RABGAP1L: variants seen among roughly 807,000 people sequenced by gnomAD.
RABGAP1L encodes RAB GTPase activating protein 1 like.
In RABGAP1L, 63 loss-of-function variants were observed where a neutral mutation model predicts 137.7. The observed-to-expected ratio is 0.46, with a 90% confidence interval of 0.37 to 0.56. RABGAP1L has a LOEUF of 0.56. RABGAP1L is among the 20% of genes least tolerant of loss of function. The pLI is 0.00. For synonymous variants in RABGAP1L, 431 were observed against 433.7 expected (o/e 0.99, Z 0.08); for missense variants, 1,095 against 1,244.0 (o/e 0.88, Z 1.80).
chr1:174,933,119 T>TTATAC (rs1558249257), intron 19 of RABGAP1L, among the ~76,000 whole-genome samples: 2 of 151,744 alleles, frequency 1.3e-5, no homozygotes, highest in Non-Finnish European at 1.5e-5. Context: ...TACATACATT[T>TTATAC]ATACATACAT....
At chr1:174,585,957 A>T (rs1365919239) in intron 13 of RABGAP1L, among the ~76,000 whole-genome samples, 1 of 152,226 alleles carries the variant, frequency 6.6e-6, no homozygotes, top group Non-Finnish European at 1.5e-5. Flanking sequence ...ATTGTGGAAG[A>T]CAGTGTGGTG....
intron 1 of RABGAP1L, among the ~76,000 whole-genome samples, chr1:174,200,332 TA>T (rs1432398772): frequency 6.6e-6 from 1 of 152,232 alleles, no homozygotes; most frequent in Non-Finnish European, 1.5e-5. Flanking sequence ...TAAGCTGGCA[TA>T]ACAGCTTCTA....
chr1:174,201,950 C>T (rs535996534), intron 1 of RABGAP1L, among the ~76,000 whole-genome samples: 1 of 152,034 alleles, frequency 6.6e-6, no homozygotes, highest in African/African-American at 2.4e-5. Flanking sequence ...TGGTTTCCAG[C>T]TTCATCCATG....
At chr1:174,857,542 C>G (rs917856164) in intron 19 of RABGAP1L, among the ~76,000 whole-genome samples, 2 of 152,040 alleles carry the variant, frequency 1.3e-5, no homozygotes, top group Admixed American at 1.3e-4. Flanking sequence ...TAGTTATCAT[C>G]TTTTTGATAA....
At chr1:174,812,072 G>A (rs1689927124) in intron 19 of RABGAP1L, 112 bp downstream of exon 19, 2 of 1,009,928 alleles carry the variant, frequency 2.0e-6, no homozygotes. Flanking sequence ...TTTAAGATTA[G>A]ATTGTGTATG....
At chr1:174,912,840 G>C (rs978449472) in intron 19 of RABGAP1L, among the ~76,000 whole-genome samples, 1 of 152,132 alleles carries the variant, frequency 6.6e-6, no homozygotes, top group African/African-American at 2.4e-5. Context: ...TCATTAAGCA[G>C]CACCAGTAAC....
At chr1:174,767,063 C>T (rs959730364) in intron 18 of RABGAP1L, among the ~76,000 whole-genome samples, 1 of 152,202 alleles carries the variant, frequency 6.6e-6, no homozygotes, top group Non-Finnish European at 1.5e-5. Flanking sequence ...GACCCGGAAG[C>T]TCCCACTTCC....
chr1:174,881,041 A>G (rs1654113991), intron 19 of RABGAP1L, among the ~76,000 whole-genome samples: 1 of 152,198 alleles, frequency 6.6e-6, no homozygotes, highest in African/African-American at 2.4e-5. Flanking sequence ...CATAGGGAAC[A>G]TCCTATGCTC....
chr1:174,429,265 T>C (rs1006503946), intron 13 of RABGAP1L, among the ~76,000 whole-genome samples: 2 of 152,212 alleles, frequency 1.3e-5, no homozygotes, highest in African/African-American at 4.8e-5. Flanking sequence ...CTGGATAAGA[T>C]AGTTAAAGGA....
chr1:174,469,680 T>C (rs1242176396), intron 13 of RABGAP1L, among the ~76,000 whole-genome samples: 1 of 152,130 alleles, frequency 6.6e-6, no homozygotes, highest in Admixed American at 6.5e-5. Flanking sequence ...AGTTCCAGAG[T>C]AGTCAGTCTT....
At chr1:174,456,017 C>G (rs1040040614) in intron 13 of RABGAP1L, among the ~76,000 whole-genome samples, 1 of 151,954 alleles carries the variant, frequency 6.6e-6, no homozygotes, top group African/African-American at 2.4e-5. Flanking sequence ...ATAGAGTGAC[C>G]TGATATTTCT....
chr1:174,163,265 G>A (rs755139471), intron 1 of RABGAP1L, among the ~76,000 whole-genome samples: 5 of 152,192 alleles, frequency 3.3e-5, no homozygotes, highest in Non-Finnish European at 7.4e-5. Context: ...GTATAAGTAT[G>A]TGAACATCAG....
At chr1:174,839,117 A>G (rs929894371) in intron 19 of RABGAP1L, among the ~76,000 whole-genome samples, 48 of 151,338 alleles carry the variant, frequency 3.2e-4, no homozygotes, top group African/African-American at 1.1e-3. Context: ...GAGGATGGTC[A>G]ACAAATTGCT....
At chr1:174,168,227 T>C (rs935971159) in intron 1 of RABGAP1L, among the ~76,000 whole-genome samples, 1 of 129,998 alleles carries the variant, frequency 7.7e-6, no homozygotes, top group Non-Finnish European at 1.5e-5. Flanking sequence ...ATCGTGCCAC[T>C]GCACTCCAGC....
Position 174,759,961 on chromosome 1 carries a change from A to G in RABGAP1L, c.2211+7607A>G, listed in dbSNP as rs1188658223. ...CAACATGAGATTTGGAGGGGACTACACTTCAACATGAGATTTGGAGGGGAC... is the reference window on the plus strand; with the variant it reads ...CAACATGAGATTTGGAGGGGACTACGCTTCAACATGAGATTTGGAGGGGAC... On this transcript the variant is annotated intron_variant, in intron 18 of 25. Coordinates refer to ENST00000681986, the MANE Select transcript of RABGAP1L (RefSeq NM_001366446.1). Among the ~76,000 whole-genome samples, 8 of 152,308 alleles carry G rather than the reference A, an allele frequency of 5.3e-5. No individual in the cohort carries two copies. In the East Asian group the frequency reaches 1.5e-3, roughly 29 times the overall value.
intron 19 of RABGAP1L, among the ~76,000 whole-genome samples, chr1:174,880,531 T>G (rs964760215): frequency 6.6e-6 from 1 of 152,052 alleles, no homozygotes; most frequent in Admixed American, 6.5e-5. Flanking sequence ...ATTCTCTTTT[T>G]TTTTCTTTTC....
At chr1:174,350,114 G>T (rs1225194111) in intron 11 of RABGAP1L, among the ~76,000 whole-genome samples, 95 of 134,000 alleles carry the variant, frequency 7.1e-4, no homozygotes, top group East Asian at 4.6e-3. Context: ...CCTCCCGGAC[G>T]GCACGGCTGG....
intron 18 of RABGAP1L, among the ~76,000 whole-genome samples, chr1:174,798,061 C>T (rs1688408099): frequency 6.6e-6 from 1 of 151,888 alleles, no homozygotes; most frequent in Non-Finnish European, 1.5e-5. Flanking sequence ...AGGATCCTCC[C>T]ACCTCAGCCT....
intron 17 of RABGAP1L, among the ~76,000 whole-genome samples, chr1:174,716,999 C>T (rs539497687): frequency 4.6e-5 from 7 of 152,276 alleles, no homozygotes; most frequent in Admixed American, 4.6e-4. Context: ...CATTGGCAGG[C>T]AAGAATCCAT....
Sources: allele counts gnomAD v4.1 joint callset (sites outside exome capture counted in the v4.1 genomes callset), GRCh38; gene constraint gnomAD v4.1.1; transcripts MANE v1.5; gene names NCBI Gene and HGNC (gene_info 2026-07-23, HGNC 2026-07-21).